The following MOB1B variants were observed in gnomAD, a reference collection of about 807,000 sequenced individuals.
The protein encoded by MOB1B is MOB kinase activator 1B.
A neutral mutation model predicts 24.4 loss-of-function variants in MOB1B; 19 were observed. The observed-to-expected ratio is 0.78, with a 90% CI of 0.54 to 1.14. MOB1B has a LOEUF of 1.14. MOB1B is among the 50% of genes most tolerant of loss of function. The probability of loss-of-function intolerance (pLI) is 0.00; values close to 1 mark genes in which losing one functional copy is unlikely to be tolerated. For missense variants in MOB1B, 243 were observed against 259.6 expected (o/e 0.94, Z 0.44); for synonymous variants, 76 against 82.1 (o/e 0.93, Z 0.40).
chr4:70,923,370 C>G (rs546058900), intron 1 of MOB1B, among the ~76,000 whole-genome samples: 1 of 152,060 alleles, frequency 6.6e-6, no homozygotes, highest in Non-Finnish European at 1.5e-5. Context: ...TAGGTGGGCA[C>G]CGGTGCCACA....
At chr4:70,902,274 G>GGGGCTCGCGGAGAGCC (rs1323627998), upstream of MOB1B, 1 of 577,980 alleles carries the variant, frequency 1.7e-6, no homozygotes, top group Non-Finnish European at 3.1e-6. Context: ...GAGCTGGGGA[G>GGGGCTCGCGGAGAGCC]GGGCTCGCGG....
At chr4:70,923,462 C>T (rs113483922) in intron 1 of MOB1B, among the ~76,000 whole-genome samples, 27 of 152,310 alleles carry the variant, frequency 1.8e-4, no homozygotes, top group African/African-American at 6.3e-4. Flanking sequence ...CTCAGACTCC[C>T]AAAGTGCTGG....
intron 1 of MOB1B, among the ~76,000 whole-genome samples, chr4:70,942,193 G>A (rs1342012887): frequency 6.6e-6 from 1 of 152,080 alleles, no homozygotes; most frequent in African/African-American, 2.4e-5. Flanking sequence ...AGCTGCATTT[G>A]AAGTTAGATT....
chr4:70,973,469 CA>C (rs528813623), intron 3 of MOB1B, among the ~76,000 whole-genome samples: 6,528 of 49,546 alleles, frequency 0.13, 156 homozygotes, highest in African/African-American at 0.25. Context: ...GACCCTGTCT[CA>C]AAAAAAAAAA....
intron 4 of MOB1B, among the ~76,000 whole-genome samples, chr4:70,977,698 A>AT (rs1012928965): frequency 4.3e-4 from 64 of 148,744 alleles, no homozygotes; most frequent in African/African-American, 1.0e-3. Flanking sequence ...CTTCTTTTAA[A>AT]TTTTTTTTTT....
chr4:70,905,016 A>AGTT (rs1735681250), intron 1 of MOB1B, among the ~76,000 whole-genome samples: 2 of 152,196 alleles, frequency 1.3e-5, no homozygotes, highest in South Asian at 4.1e-4. Flanking sequence ...ACAATTTTTC[A>AGTT]GTTAGGTTAT....
Position 70,916,363 on chromosome 4 carries a change from G to A in MOB1B, c.14+13813G>A, listed in dbSNP as rs541505650. Among the ~76,000 whole-genome samples the A allele has an allele frequency of 4.6e-5, 7 of 152,312 alleles. No homozygotes were observed. The South Asian group carries it at 1.2e-3, about 27-fold the overall frequency. ...AAGAGAGACCATATGACATTCTAGAGATGGCTGCATGCAAGCATTTAAAAC... is the reference window on the plus strand; with the variant it reads ...AAGAGAGACCATATGACATTCTAGAAATGGCTGCATGCAAGCATTTAAAAC... On this transcript the variant is annotated intron_variant, in intron 1 of 5. Transcript: ENST00000309395.
At position 70,983,656 on chromosome 4, in the gene MOB1B, G is replaced by A. The variant is rs1739289188; in HGVS notation, c.*1599G>A. The A allele has an allele frequency of 6.6e-6, 1 of 152,434 alleles. No homozygotes were observed. Among genetic ancestry groups the A allele is most frequent in the Admixed American group, 6.6e-5 (1 of 15,246 alleles). The allele number at this position is 152,434 out of a possible 1,614,324, so 9.4% of individuals were successfully genotyped here. On this transcript the variant is annotated 3_prime_UTR_variant, in exon 6 of 6. Coordinates refer to ENST00000309395, the MANE Select transcript of MOB1B (RefSeq NM_173468.4). ...AAATAGTATAGATTAAAAACACTCA[G>A]TAGAAAAGAATCTAAAATTAAATGA...
intron 1 of MOB1B, among the ~76,000 whole-genome samples, chr4:70,904,775 AAG>A (rs1491263770): frequency 6.6e-6 from 1 of 151,508 alleles, no homozygotes; most frequent in African/African-American, 2.4e-5. Flanking sequence ...AAAAAAAAAA[AAG>A]GTTAAAGCAG....
At chr4:70,908,289 A>G (rs1183854292) in intron 1 of MOB1B, among the ~76,000 whole-genome samples, 1 of 145,686 alleles carries the variant, frequency 6.9e-6, no homozygotes, top group African/African-American at 2.6e-5. Context: ...CGGCCTCCCA[A>G]AGTGCTGGGA....
intron 1 of MOB1B, among the ~76,000 whole-genome samples, chr4:70,930,620 AATCAG>A (rs1247864071): frequency 2.0e-5 from 3 of 152,190 alleles, no homozygotes; most frequent in Non-Finnish European, 4.4e-5. Context: ...TTATTAGTAA[AATCAG>A]TAAATACTGT....
intron 1 of MOB1B, among the ~76,000 whole-genome samples, chr4:70,946,081 GTTCTTTT>G (rs1737567287): frequency 2.3e-5 from 2 of 85,164 alleles, no homozygotes; most frequent in African/African-American, 4.3e-5. Flanking sequence ...GTTTTTGTTT[GTTCTTTT>G]TTTTTTTTTT....
intron 1 of MOB1B, among the ~76,000 whole-genome samples, chr4:70,937,333 TC>T (rs1188673208): frequency 4.6e-5 from 7 of 152,128 alleles, no homozygotes; most frequent in Non-Finnish European, 1.0e-4. Flanking sequence ...CATAATGGCA[TC>T]CTCTGGCGTG....
At chr4:70,923,313 A>G (rs1191166521) in intron 1 of MOB1B, among the ~76,000 whole-genome samples, 3 of 151,976 alleles carry the variant, frequency 2.0e-5, no homozygotes, top group Non-Finnish European at 2.9e-5. Flanking sequence ...GCATCCTCCT[A>G]TGGGGTCCAG....
chr4:70,923,698 C>G (rs1355393484), intron 1 of MOB1B, among the ~76,000 whole-genome samples: 2 of 151,562 alleles, frequency 1.3e-5, no homozygotes, highest in Non-Finnish European at 2.9e-5. Context: ...GCCTGTAATC[C>G]CAGCACTCTT....
At chr4:70,940,952 C>A (rs1034254980) in intron 1 of MOB1B, among the ~76,000 whole-genome samples, 3 of 152,066 alleles carry the variant, frequency 2.0e-5, no homozygotes, top group Admixed American at 6.5e-5. Context: ...GGATTACAGG[C>A]GTGAGCCACC....
intron 1 of MOB1B, among the ~76,000 whole-genome samples, chr4:70,924,423 T>C (rs1736569668): frequency 6.6e-6 from 1 of 152,210 alleles, no homozygotes; most frequent in Non-Finnish European, 1.5e-5. Flanking sequence ...TTAGACTCTT[T>C]AGCCCTTTAA....
chr4:70,978,408 C>T (rs180977803), intron 4 of MOB1B, among the ~76,000 whole-genome samples: 1 of 152,276 alleles, frequency 6.6e-6, no homozygotes, highest in African/African-American at 2.4e-5. Context: ...GATGCCTTTA[C>T]GACTGGGTTA....
At chr4:70,913,021 G>A (rs1736057009) in intron 1 of MOB1B, among the ~76,000 whole-genome samples, 1 of 152,204 alleles carries the variant, frequency 6.6e-6, no homozygotes, top group Non-Finnish European at 1.5e-5. Context: ...GCCTCCCAAA[G>A]TGCCGGCATT....
Sources: gnomAD v4.1 joint callset for allele counts (sites outside exome capture counted in the v4.1 genomes callset) on GRCh38, gnomAD v4.1.1 for gene constraint, MANE v1.5 for transcripts, NCBI Gene and HGNC (gene_info 2026-07-23, HGNC 2026-07-21) for gene names.